Variants in ZNF644 observed in about 807,000 individuals in gnomAD.
ZNF644 encodes zinc finger protein 644, also known as zinc finger motif enhancer binding protein 2.
In ZNF644, 20 loss-of-function variants were observed where a neutral mutation model predicts 108.0. The ratio of observed to expected loss-of-function variants is 0.19; its 90% CI spans 0.13 to 0.27. ZNF644 has a LOEUF of 0.27. Ranked by LOEUF, ZNF644 falls within the 10% of genes least tolerant of loss-of-function variation. The pLI is 1.00. For missense variants in ZNF644, 1,338 were observed against 1,548.9 expected (o/e 0.86, Z 2.29); for synonymous variants, 542 against 539.1 (o/e 1.01, Z -0.08).
intron 1 of ZNF644, among the ~76,000 whole-genome samples, chr1:91,011,453 A>G (rs1171148484): frequency 6.6e-6 from 1 of 152,212 alleles, no homozygotes; most frequent in Non-Finnish European, 1.5e-5. Context: ...TAACAACATT[A>G]TAATACCCAT....
intron 1 of ZNF644, among the ~76,000 whole-genome samples, chr1:91,006,947 G>A (rs1309368920): frequency 6.6e-6 from 1 of 152,080 alleles, no homozygotes; most frequent in Middle Eastern, 3.2e-3. Context: ...GGTATAGAAT[G>A]AATAGTTTGG....
chr1:90,946,958 T>C (rs995702440), intron 2 of ZNF644, among the ~76,000 whole-genome samples: 8 of 152,072 alleles, frequency 5.3e-5, no homozygotes, highest in South Asian at 2.1e-4. Context: ...GTATAGTAAA[T>C]ACTAAATATA....
In ZNF644 at chr1:90,918,143, T is replaced by G; in HGVS notation, c.3700A>C (p.Lys1234Gln). Residue 1234 changes from lysine to glutamine, a missense_variant, in exon 5 of 6, where the codon AAG becomes CAG. Lys to Gln is a moderately conservative substitution (Grantham distance 53, BLOSUM62 1). Around this residue, in one of 6 missense-constraint regions of ZNF644, gnomAD observed 287 missense variants for 310.9 expected, o/e 0.92. Transcript: ENST00000337393. ...GATCTTGACCTTGATTTCTTTTGCTTACAATCTAAGGCTAAAAAGGGGAAG... is the reference window on the plus strand; with the variant it reads ...GATCTTGACCTTGATTTCTTTTGCTGACAATCTAAGGCTAAAAAGGGGAAG... ...DLTMHSALDC[K>Q]QKKSRSRSGS... 6.2e-7 allele frequency: 1 copy of G among 1,613,858 alleles called. No individual in the cohort carries two copies.
intron 1 of ZNF644, among the ~76,000 whole-genome samples, chr1:91,002,082 T>A (rs1044436466): frequency 6.6e-6 from 1 of 152,062 alleles, no homozygotes; most frequent in African/African-American, 2.4e-5. Context: ...AGAATCAGTA[T>A]CGGGAAAATG....
At chr1:91,009,160 C>T (rs146334072) in intron 1 of ZNF644, among the ~76,000 whole-genome samples, 1 of 152,188 alleles carries the variant, frequency 6.6e-6, no homozygotes, top group Non-Finnish European at 1.5e-5. Context: ...AGACTTAGTG[C>T]CAGCAGAGAA....
At chr1:91,001,806 T>G (rs1231535786) in intron 1 of ZNF644, among the ~76,000 whole-genome samples, 1 of 152,158 alleles carries the variant, frequency 6.6e-6, no homozygotes, top group Non-Finnish European at 1.5e-5. Flanking sequence ...CTGCCCAAAA[T>G]CTCCTTAACC....
chr1:90,991,484 T>C lies in ZNF644; in HGVS notation c.-17-9114A>G, dbSNP rs116300595. 3.2e-3 allele frequency among the ~76,000 whole-genome samples: 483 copies of C among 152,314 alleles called. 2 individuals carry two copies. Among genetic ancestry groups the C allele is most frequent in the African/African-American group, 0.011 (449 of 41,580 alleles). ...GTCCATACAATGATGTATTAGTCCATTCTCACACTGCTATAAAGAACTACC... is the reference window on the plus strand; with the variant it reads ...GTCCATACAATGATGTATTAGTCCACTCTCACACTGCTATAAAGAACTACC... On this transcript the variant is annotated intron_variant, in intron 1 of 5. Coordinates refer to ENST00000337393, the MANE Select transcript of ZNF644 (RefSeq NM_201269.3).
chr1:90,982,338 G>C lies in ZNF644; in HGVS notation c.16C>G (p.Gln6Glu), dbSNP rs1230403191. The C allele has an allele frequency of 6.2e-7, 1 of 1,610,456 alleles. No homozygotes were observed. The change falls in exon 2 of 6, where the codon CAG (glutamine) becomes GAG (glutamate). Residue 6 changes from glutamine to glutamate, a missense_variant. By Grantham distance (29) the Gln-to-Glu change is conservative (BLOSUM62 2). Transcript: ENST00000337393. MRSFL[Q>E]QDVNKTKSRL... is the part of the protein sequence containing the mutation. Reference sequence around the variant, plus strand: ...GATTTTGTCTTATTAACATCTTGCTGCAAGAACGATCTCATCCAAAATTAA... The same window carrying C: ...GATTTTGTCTTATTAACATCTTGCTCCAAGAACGATCTCATCCAAAATTAA...
chr1:91,015,502 A>G (rs1440845751), intron 1 of ZNF644, among the ~76,000 whole-genome samples: 3 of 152,236 alleles, frequency 2.0e-5, no homozygotes, highest in Admixed American at 6.5e-5. Context: ...TAGTCACCAC[A>G]TGGCCTCACA....
intron 1 of ZNF644, among the ~76,000 whole-genome samples, chr1:91,017,022 A>G (rs1660492884): frequency 6.6e-6 from 1 of 152,148 alleles, no homozygotes; most frequent in African/African-American, 2.4e-5. Context: ...TGGTAGAGAC[A>G]GGGTTTCATC....
At chr1:90,983,387 A>G (rs1486169299) in intron 1 of ZNF644, among the ~76,000 whole-genome samples, 5 of 151,110 alleles carry the variant, frequency 3.3e-5, no homozygotes, top group Admixed American at 2.6e-4. Flanking sequence ...TTAAAAGTCT[A>G]TTATAAACGA....
chr1:90,974,133 C>T (rs1655770045), intron 2 of ZNF644, among the ~76,000 whole-genome samples: 3 of 152,054 alleles, frequency 2.0e-5, no homozygotes, highest in South Asian at 2.1e-4. Context: ...AGATCATACC[C>T]TTTTGTCCTC....
rs55996875 is a variant in ZNF644, at chr1:90,987,246, GTTT to G, written c.-17-4879_-17-4877del. On this transcript the variant is annotated intron_variant, in intron 1 of 5. Transcript: ENST00000337393. ...AAAAACTCAATGAAACCTAGAGTTG[GTTT>G]TTTTTTTTTTTTTTTTTTAAAAAAA... 4.6e-3 allele frequency among the ~76,000 whole-genome samples: 553 copies of G among 121,116 alleles called. 7 individuals carry two copies. The highest frequency in any genetic ancestry group is 0.015 in the Middle Eastern group (3 of 204). The allele number at this position is 121,116 out of a possible 152,430, so 79.5% of individuals were successfully genotyped here.
intron 1 of ZNF644, among the ~76,000 whole-genome samples, chr1:91,018,102 A>C (rs1385291826): frequency 6.6e-6 from 1 of 152,140 alleles, no homozygotes; most frequent in Non-Finnish European, 1.5e-5. Flanking sequence ...TCCCTGAAGA[A>C]AGACAGAATT....
At chr1:91,009,158 T>G (rs1659713304) in intron 1 of ZNF644, among the ~76,000 whole-genome samples, 1 of 152,162 alleles carries the variant, frequency 6.6e-6, no homozygotes, top group South Asian at 2.1e-4. Flanking sequence ...AAAGACTTAG[T>G]GCCAGCAGAG....
chr1:90,997,171 A>G (rs1658226571), intron 1 of ZNF644, among the ~76,000 whole-genome samples: 1 of 152,184 alleles, frequency 6.6e-6, no homozygotes, highest in Non-Finnish European at 1.5e-5. Context: ...AAAGGGCTGT[A>G]TACACGCCCA....
chr1:90,931,757 A>T (rs1650754507), intron 4 of ZNF644, among the ~76,000 whole-genome samples: 1 of 152,114 alleles, frequency 6.6e-6, no homozygotes, highest in African/African-American at 2.4e-5. Context: ...TAGGGAAGAT[A>T]ATGACCCCAC....
intron 4 of ZNF644, among the ~76,000 whole-genome samples, chr1:90,927,146 T>C (rs939622492): frequency 6.6e-6 from 1 of 151,772 alleles, no homozygotes; most frequent in African/African-American, 2.4e-5. Flanking sequence ...TCCAAAAGCC[T>C]TGGGAGTTCC....
Position 91,000,183 on chromosome 1 carries a change from C to A in ZNF644, c.-17-17813G>T, listed in dbSNP as rs377452561. ...GAATTGAACTCAGCTCTGCATCAAG[C>A]GGACCTAACAGACATCTACAGAACT... On this transcript the variant is annotated intron_variant, in intron 1 of 5. Transcript: ENST00000337393. Among the ~76,000 whole-genome samples the A allele has an allele frequency of 3.3e-5, 5 of 152,126 alleles. No individual in the cohort carries two copies. In the East Asian group the frequency reaches 9.6e-4, roughly 29 times the overall value.
Sources: gnomAD v4.1 joint callset for allele counts (sites outside exome capture counted in the v4.1 genomes callset) on GRCh38, gnomAD v4.1.1 for gene constraint, gnomAD v4.1.1 regional missense constraint, MANE v1.5 for transcripts, NCBI Gene and HGNC (gene_info 2026-07-23, HGNC 2026-07-21) for gene names.